NCOA2: variants seen among roughly 807,000 people sequenced by gnomAD.
The protein encoded by NCOA2 is class E basic helix-loop-helix protein 75.
NCOA2 carries 21 observed loss-of-function variants against 145.1 expected under a neutral mutation model. That is an observed-to-expected ratio of 0.14 (90% CI 0.10 to 0.21). NCOA2 has a LOEUF of 0.21. Ranked by LOEUF, NCOA2 falls within the 10% of genes least tolerant of loss-of-function variation. The pLI, the probability that NCOA2 is intolerant of heterozygous loss-of-function variation, is 1.00. For synonymous variants in NCOA2, 619 were observed against 637.5 expected, an observed-to-expected ratio of 0.97 and a Z score of 0.44; for missense variants, 1,472 against 1,837.6, an observed-to-expected ratio of 0.80 and a Z score of 3.64.
chr8:70,416,947 G>A, the NCOA2 span, among the ~76,000 whole-genome samples: 1 of 152,056 alleles, frequency 6.6e-6, no homozygotes, highest in Admixed American at 6.5e-5. Flanking sequence ...TTAAATACTT[G>A]ATGTAAAATC....
Position 70,259,737 on chromosome 8 carries a change from C to G in NCOA2, c.-20+37007G>C, listed in dbSNP as rs142060654. ...TTCAGTTGAAAAAATATTATCAAAG[C>G]AATGATTAAATAAAAATAAGAATCA... is the stretch of plus-strand genomic sequence containing the variant. On this transcript the variant is annotated intron_variant, in intron 2 of 22. Transcript: ENST00000452400. Among the ~76,000 whole-genome samples, 189 of 152,140 alleles carry G rather than the reference C, an allele frequency of 1.2e-3. 5 individuals carry two copies. The East Asian group carries it at 0.029, about 23-fold the overall frequency.
chr8:70,428,730 A>G, the NCOA2 span, among the ~76,000 whole-genome samples: 1 of 152,328 alleles, frequency 6.6e-6, no homozygotes, highest in South Asian at 2.1e-4. Flanking sequence ...GTCAATGATG[A>G]CAGGAGACAG....
intron 1 of NCOA2, among the ~76,000 whole-genome samples, chr8:70,307,866 TA>T (rs1828014757): frequency 6.6e-6 from 1 of 152,226 alleles, no homozygotes; most frequent in African/African-American, 2.4e-5. Flanking sequence ...ATTTAGTTAG[TA>T]AATCTATTTT....
At chr8:70,408,172 T>C (rs924773217), upstream of NCOA2, among the ~76,000 whole-genome samples, 22 of 152,214 alleles carry the variant, frequency 1.4e-4, no homozygotes, top group Admixed American at 2.6e-4. Context: ...TTGGGCAAGT[T>C]ATTTGGCATC....
chr8:70,192,412 CAG>C (rs975356608), intron 4 of NCOA2, among the ~76,000 whole-genome samples: 1 of 152,168 alleles, frequency 6.6e-6, no homozygotes, highest in Non-Finnish European at 1.5e-5. Flanking sequence ...GGAACTTTGC[CAG>C]AGTCTTAGAA....
intron 2 of NCOA2, among the ~76,000 whole-genome samples, chr8:70,262,807 G>C (rs927725645): frequency 5.9e-5 from 9 of 152,068 alleles, no homozygotes; most frequent in African/African-American, 2.2e-4. Context: ...CCTCATCCTC[G>C]AGTGGATGCC....
chr8:70,263,281 A>G (rs1403160249), intron 2 of NCOA2, among the ~76,000 whole-genome samples: 1 of 150,046 alleles, frequency 6.7e-6, no homozygotes, highest in Non-Finnish European at 1.5e-5. Flanking sequence ...GGCAGGACAG[A>G]ACAGGATGGC....
At chr8:70,452,433 A>G in the NCOA2 span, among the ~76,000 whole-genome samples, 1 of 152,214 alleles carries the variant, frequency 6.6e-6, no homozygotes, top group African/African-American at 2.4e-5. Flanking sequence ...AAAAAGAGAA[A>G]ATAACAAGAC....
At chr8:70,185,261 T>A (rs1016196034) in intron 4 of NCOA2, among the ~76,000 whole-genome samples, 2 of 152,190 alleles carry the variant, frequency 1.3e-5, no homozygotes, top group African/African-American at 4.8e-5. Context: ...TGGGAGGACC[T>A]CACCAGTGTG....
At position 70,160,682 on chromosome 8, in the gene NCOA2, G is replaced by GA. The variant is rs371258460; in HGVS notation, c.977-1031_977-1030insT. On this transcript the variant is annotated intron_variant, in intron 9 of 22. Coordinates refer to ENST00000452400, the MANE Select transcript of NCOA2 (RefSeq NM_006540.4). ...GACAGAGAGAGAGAGAGAGAGAGAG[G>GA]GAGAGAGAGAGAGAGAGAGACTGAC... Among the ~76,000 whole-genome samples the GA allele has an allele frequency of 1.5e-3, 90 of 58,366 alleles. 3 individuals carry two copies. The highest frequency in any genetic ancestry group is 3.5e-3 in the African/African-American group (85 of 23,982). 38.3% of individuals were successfully genotyped at this position (58,366 alleles called of 152,430 possible). A position where few individuals can be genotyped will look rare whatever the true frequency, so the allele number is the denominator to read the frequency against.
chr8:70,185,185 C>T lies in NCOA2; in HGVS notation c.260-10326G>A, dbSNP rs73287399. On this transcript the variant is annotated intron_variant, in intron 4 of 22. Coordinates refer to ENST00000452400, the MANE Select transcript of NCOA2 (RefSeq NM_006540.4). ...AATATCATAGGGAGGTTGAAATTCC[C>T]GGTTTCATTTTGCTTACTACCGTCT... Among the ~76,000 whole-genome samples, 653 of 152,250 alleles carry T rather than the reference C, an allele frequency of 4.3e-3. 5 individuals are homozygous for T. The highest frequency in any genetic ancestry group is 0.015 in the African/African-American group (621 of 41,554).
At chr8:70,270,693 T>C (rs1445121832) in intron 2 of NCOA2, among the ~76,000 whole-genome samples, 1 of 152,188 alleles carries the variant, frequency 6.6e-6, no homozygotes, top group Non-Finnish European at 1.5e-5. Flanking sequence ...TTCTGCTACC[T>C]TGGTTCCCTA....
intron 7 of NCOA2, among the ~76,000 whole-genome samples, chr8:70,165,212 A>T (rs191189100): frequency 6.5e-4 from 99 of 152,344 alleles, no homozygotes; most frequent in African/African-American, 2.3e-3. Flanking sequence ...TAGGCAAAAA[A>T]CTTAATTTTG....
At chr8:70,452,433 A>T in the NCOA2 span, among the ~76,000 whole-genome samples, 2 of 152,332 alleles carry the variant, frequency 1.3e-5, no homozygotes, top group South Asian at 4.1e-4. Context: ...AAAAAGAGAA[A>T]ATAACAAGAC....
intron 11 of NCOA2, among the ~76,000 whole-genome samples, chr8:70,152,441 TACC>T (rs1444754207): frequency 6.6e-6 from 1 of 152,248 alleles, no homozygotes; most frequent in African/African-American, 2.4e-5. Flanking sequence ...AATACAATTC[TACC>T]ACATCTGGAG....
At chr8:70,381,504 A>G (rs1812191332) in intron 1 of NCOA2, among the ~76,000 whole-genome samples, 1 of 152,218 alleles carries the variant, frequency 6.6e-6, no homozygotes, top group Non-Finnish European at 1.5e-5. Flanking sequence ...AACCCTACGA[A>G]GGTATAATAC....
At chr8:70,179,606 A>G (rs996496525) in intron 4 of NCOA2, among the ~76,000 whole-genome samples, 10 of 152,350 alleles carry the variant, frequency 6.6e-5, no homozygotes, top group Admixed American at 1.3e-4. Flanking sequence ...GCATTACTAC[A>G]CTAAAACACA....
intron 4 of NCOA2, among the ~76,000 whole-genome samples, chr8:70,187,267 A>G (rs1312781978): frequency 6.6e-6 from 1 of 152,172 alleles, no homozygotes; most frequent in East Asian, 1.9e-4. Flanking sequence ...CAACATTTAC[A>G]ATGTTTCCTA....
chr8:70,170,714 C>T (rs1352122075), intron 5 of NCOA2, among the ~76,000 whole-genome samples: 1 of 152,158 alleles, frequency 6.6e-6, no homozygotes, highest in Non-Finnish European at 1.5e-5. Context: ...ATGAGACTGA[C>T]ATACTCCACG....
Sources: allele counts gnomAD v4.1 joint callset (sites outside exome capture counted in the v4.1 genomes callset), GRCh38; gene constraint gnomAD v4.1.1; transcripts MANE v1.5; gene names NCBI Gene and HGNC (gene_info 2026-07-23, HGNC 2026-07-21).